Variants in GPC5 observed in about 807,000 individuals in gnomAD.
GPC5 encodes glypican-5.
In GPC5, 47 loss-of-function variants were observed where a neutral mutation model predicts 53.9. The ratio of observed to expected loss-of-function variants is 0.87; its 90% confidence interval spans 0.69 to 1.11. GPC5 has a LOEUF of 1.11. Among genes scored for constraint, GPC5 ranks in the 50% most tolerant of loss-of-function variants. The probability of loss-of-function intolerance (pLI) is 0.00; values close to 1 mark genes in which losing one functional copy is unlikely to be tolerated. For missense variants in GPC5, 748 were observed against 713.1 expected (o/e 1.05, Z -0.56); for synonymous variants, 286 against 263.3 (o/e 1.09, Z -0.84).
chr13:92,255,395 G>A (rs1332486264), intron 7 of GPC5, among the ~76,000 whole-genome samples: 1 of 152,086 alleles, frequency 6.6e-6, no homozygotes. Context: ...CAGTAAACTT[G>A]CATGGAAGAA....
At chr13:91,538,235 G>A (rs1886677841) in intron 2 of GPC5, among the ~76,000 whole-genome samples, 1 of 152,154 alleles carries the variant, frequency 6.6e-6, no homozygotes, top group East Asian at 1.9e-4. Flanking sequence ...GTTGAGCAAG[G>A]AGCTGTACAT....
chr13:92,381,697 A>G (rs1171378726), intron 7 of GPC5, among the ~76,000 whole-genome samples: 1 of 151,574 alleles, frequency 6.6e-6, no homozygotes, highest in Non-Finnish European at 1.5e-5. Context: ...CGACACTTGC[A>G]TATGCATATT....
At chr13:92,266,067 C>A (rs1182713815) in intron 7 of GPC5, among the ~76,000 whole-genome samples, 2 of 152,136 alleles carry the variant, frequency 1.3e-5, no homozygotes, top group Non-Finnish European at 2.9e-5. Context: ...TGGGATAAAA[C>A]CCTCATAGCC....
chr13:91,811,203 G>A (rs545802651), intron 5 of GPC5, among the ~76,000 whole-genome samples: 1 of 151,864 alleles, frequency 6.6e-6, no homozygotes, highest in African/African-American at 2.4e-5. Context: ...AAATAATTTT[G>A]TTTCAGAATA....
intron 6 of GPC5, among the ~76,000 whole-genome samples, chr13:92,046,036 G>A (rs1036153877): frequency 2.2e-4 from 34 of 151,878 alleles, no homozygotes; most frequent in Non-Finnish European, 3.2e-4. Flanking sequence ...GCTTGAACCC[G>A]GGAGGCGGCA....
intron 7 of GPC5, among the ~76,000 whole-genome samples, chr13:92,797,871 G>A (rs1594514510): frequency 1.7e-5 from 2 of 120,662 alleles, no homozygotes; most frequent in African/African-American, 6.0e-5. Flanking sequence ...ATAGATAGAT[G>A]ATAGATGATA....
intron 7 of GPC5, among the ~76,000 whole-genome samples, chr13:92,432,630 C>G (rs956406304): frequency 2.0e-5 from 3 of 151,884 alleles, no homozygotes; most frequent in Non-Finnish European, 1.5e-5. Context: ...CCGCCTCCGC[C>G]TCCCAAAATG....
At chr13:91,426,778 T>G (rs1324983677) in intron 1 of GPC5, among the ~76,000 whole-genome samples, 20 of 152,074 alleles carry the variant, frequency 1.3e-4, no homozygotes, top group East Asian at 1.9e-4. Flanking sequence ...CCACCAAGAT[T>G]GAGGGTGGGT....
Position 91,612,916 on chromosome 13 carries a change from C to T in GPC5, c.326-80271C>T, listed in dbSNP as rs975938949. ...CTGGTAGGTGACCTGAATAGGGGAACAGACAATTACAAGGCAAAGGGGCAA... is the reference window on the plus strand; with the variant it reads ...CTGGTAGGTGACCTGAATAGGGGAATAGACAATTACAAGGCAAAGGGGCAA... On this transcript the variant is annotated intron_variant, in intron 2 of 7. Coordinates refer to ENST00000377067, the MANE Select transcript of GPC5 (RefSeq NM_004466.6). Among the ~76,000 whole-genome samples, 4 of 152,232 alleles carry T rather than the reference C, an allele frequency of 2.6e-5. No homozygotes were observed. In the East Asian group the frequency reaches 5.8e-4, roughly 22 times the overall value.
intron 6 of GPC5, among the ~76,000 whole-genome samples, chr13:92,002,645 C>T (rs1042558305): frequency 6.6e-6 from 1 of 152,034 alleles, no homozygotes; most frequent in Non-Finnish European, 1.5e-5. Context: ...AATTAAAGTA[C>T]CAATTCAAAT....
chr13:91,671,780 CAAA>C (rs55758033), intron 2 of GPC5, among the ~76,000 whole-genome samples: 918 of 32,966 alleles, frequency 0.028, no homozygotes, highest in African/African-American at 0.083. Flanking sequence ...CAATCTGAAG[CAAA>C]AAAAAAAAAA....
At chr13:92,023,828 C>T (rs2040779585) in intron 6 of GPC5, among the ~76,000 whole-genome samples, 1 of 152,042 alleles carries the variant, frequency 6.6e-6, no homozygotes, top group African/African-American at 2.4e-5. Context: ...TACATGGAGC[C>T]TTTCAAAATT....
intron 7 of GPC5, among the ~76,000 whole-genome samples, chr13:92,257,967 G>T (rs1418831680): frequency 6.6e-6 from 1 of 151,846 alleles, no homozygotes. Flanking sequence ...TTATTTAAAA[G>T]GTATAATTTT....
At chr13:91,452,965 G>A (rs1159463999) in intron 2 of GPC5, among the ~76,000 whole-genome samples, 1 of 151,510 alleles carries the variant, frequency 6.6e-6, no homozygotes, top group African/African-American at 2.4e-5. Flanking sequence ...ATATATGGTG[G>A]ATACTAAGTC....
intron 6 of GPC5, among the ~76,000 whole-genome samples, chr13:92,088,701 C>A (rs926126419): frequency 6.6e-6 from 1 of 152,126 alleles, no homozygotes; most frequent in Non-Finnish European, 1.5e-5. Context: ...CTGGGTATTG[C>A]GTCTCTGTGT....
chr13:91,503,967 A>G (rs916124367), intron 2 of GPC5, among the ~76,000 whole-genome samples: 2 of 151,750 alleles, frequency 1.3e-5, no homozygotes, highest in African/African-American at 2.4e-5. Context: ...GTCTAATAAT[A>G]TAGTAAATGG....
intron 2 of GPC5, among the ~76,000 whole-genome samples, chr13:91,549,553 G>A (rs2030501836): frequency 6.6e-6 from 1 of 152,046 alleles, no homozygotes; most frequent in African/African-American, 2.4e-5. Context: ...GAACTCTTGA[G>A]AATCTACAAT....
chr13:92,129,472 T>A (rs755628969), intron 6 of GPC5, among the ~76,000 whole-genome samples: 1 of 152,230 alleles, frequency 6.6e-6, no homozygotes, highest in Non-Finnish European at 1.5e-5. Flanking sequence ...AATGTCTAGA[T>A]ATGTGAAGTG....
chr13:92,841,008 G>A (rs1303897656), intron 7 of GPC5, among the ~76,000 whole-genome samples: 1 of 151,992 alleles, frequency 6.6e-6, no homozygotes, highest in African/African-American at 2.4e-5. Flanking sequence ...TTTTTGTGTG[G>A]TATCTTTAGG....
Sources: allele counts gnomAD v4.1 joint callset (sites outside exome capture counted in the v4.1 genomes callset), GRCh38; gene constraint gnomAD v4.1.1; transcripts MANE v1.5; gene names NCBI Gene and HGNC (gene_info 2026-07-23, HGNC 2026-07-21).